The following PRR16 variants were observed in gnomAD, a reference collection of about 807,000 sequenced individuals.
PRR16 encodes proline rich 16.
PRR16 carries 6 observed loss-of-function variants against 18.2 expected under a neutral mutation model. The ratio of observed to expected loss-of-function variants is 0.33; its 90% CI spans 0.18 to 0.65. The LOEUF (loss-of-function observed/expected upper bound fraction) is 0.65. Among genes scored for constraint, PRR16 ranks in the 30% least tolerant of loss-of-function variants. PRR16 has a pLI of 0.74. For synonymous variants in PRR16, 151 were observed against 147.8 expected (o/e 1.02, Z -0.16); for missense variants, 412 against 376.6 (o/e 1.09, Z -0.78).
rs114806424 is a variant in PRR16, at chr5:120,578,447, T to G, written c.160-107507T>G. On this transcript the variant is annotated intron_variant, in intron 1 of 1. Coordinates refer to ENST00000407149, the MANE Select transcript of PRR16 (RefSeq NM_001300783.2). ...GGTTTGTGTTGTTCCCCTCTCTGTT[T>G]CCATGTGTTCTCAATGTTCAACTCC... 8.2e-3 allele frequency among the ~76,000 whole-genome samples: 1,248 copies of G among 152,278 alleles called. 24 individuals are homozygous for G. The highest frequency in any genetic ancestry group is 0.028 in the African/African-American group (1,157 of 41,550).
At chr5:120,598,766 C>T (rs1753892301) in intron 1 of PRR16, among the ~76,000 whole-genome samples, 1 of 151,906 alleles carries the variant, frequency 6.6e-6, no homozygotes, top group Non-Finnish European at 1.5e-5. Flanking sequence ...TGATTTCAAT[C>T]TCTTTATGGC....
intron 1 of PRR16, among the ~76,000 whole-genome samples, chr5:120,645,608 C>CTTT (rs1755565182): frequency 6.6e-6 from 1 of 151,952 alleles, no homozygotes; most frequent in Non-Finnish European, 1.5e-5. Context: ...CTGCAAATTA[C>CTTT]TAGTTTAAAC....
At chr5:120,470,631 A>G (rs1370727899) in intron 1 of PRR16, among the ~76,000 whole-genome samples, 8 of 152,122 alleles carry the variant, frequency 5.3e-5, no homozygotes, top group Admixed American at 2.0e-4. Flanking sequence ...ACGTCACTAG[A>G]AAGAGCAGTT....
chr5:120,676,636 A>G (rs1333114647), intron 1 of PRR16, among the ~76,000 whole-genome samples: 1 of 152,120 alleles, frequency 6.6e-6, no homozygotes, highest in Non-Finnish European at 1.5e-5. Flanking sequence ...GATGTTTCAG[A>G]CAGCAAAGAC....
chr5:120,506,510 G>A (rs1298017373), intron 1 of PRR16, among the ~76,000 whole-genome samples: 1 of 152,034 alleles, frequency 6.6e-6, no homozygotes, highest in African/African-American at 2.4e-5. Context: ...GTGGCTTAAA[G>A]TTATGCTGGC....
At chr5:120,627,696 G>A (rs1049207431) in intron 1 of PRR16, among the ~76,000 whole-genome samples, 1 of 152,058 alleles carries the variant, frequency 6.6e-6, no homozygotes, top group African/African-American at 2.4e-5. Context: ...CAAAAGAAGA[G>A]AGCCACCCTG....
At chr5:120,750,512 C>T in the PRR16 span, among the ~76,000 whole-genome samples, 1 of 151,284 alleles carries the variant, frequency 6.6e-6, no homozygotes, top group South Asian at 2.1e-4. Context: ...AAAAACAAAA[C>T]AAAAATTAGC....
intron 1 of PRR16, among the ~76,000 whole-genome samples, chr5:120,574,802 A>G (rs2112742303): frequency 6.7e-6 from 1 of 149,314 alleles, no homozygotes; most frequent in East Asian, 1.9e-4. Context: ...GTTGGTAAAA[A>G]TGTAAATTGA....
chr5:120,605,985 G>A (rs1018044962), intron 1 of PRR16, among the ~76,000 whole-genome samples: 1 of 152,168 alleles, frequency 6.6e-6, no homozygotes, highest in Admixed American at 6.5e-5. Flanking sequence ...TCAGGGGGCT[G>A]TGGGCAAGTG....
the PRR16 span, among the ~76,000 whole-genome samples, chr5:120,734,307 G>A: frequency 7.4e-4 from 113 of 152,118 alleles, no homozygotes; most frequent in African/African-American, 2.5e-3. Flanking sequence ...AGGAGGCTGG[G>A]GCACATTTTT....
chr5:120,657,075 A>G (rs182034011), intron 1 of PRR16, among the ~76,000 whole-genome samples: 1 of 152,132 alleles, frequency 6.6e-6, no homozygotes, highest in East Asian at 1.9e-4. Context: ...TATATATGGA[A>G]AAATCATCAC....
intron 1 of PRR16, among the ~76,000 whole-genome samples, chr5:120,595,631 A>G (rs1385502152): frequency 6.6e-6 from 1 of 151,936 alleles, no homozygotes; most frequent in Non-Finnish European, 1.5e-5. Context: ...ACACTCCATG[A>G]CACAACTTTG....
intron 1 of PRR16, among the ~76,000 whole-genome samples, chr5:120,642,000 G>A (rs1755438567): frequency 6.6e-6 from 1 of 151,992 alleles, no homozygotes; most frequent in South Asian, 2.1e-4. Context: ...CAGAAATTCA[G>A]GTGCCTTCTG....
At chr5:120,719,421 C>A in the PRR16 span, among the ~76,000 whole-genome samples, 1 of 151,798 alleles carries the variant, frequency 6.6e-6, no homozygotes, top group African/African-American at 2.4e-5. Flanking sequence ...AATAAATTAA[C>A]TTCATCAAGG....
chr5:120,622,478 T>C (rs1252861961), intron 1 of PRR16, among the ~76,000 whole-genome samples: 2 of 151,826 alleles, frequency 1.3e-5, no homozygotes, highest in Non-Finnish European at 2.9e-5. Context: ...ATTTATTTTA[T>C]ATTTATTTAT....
At chr5:120,660,946 A>G (rs1756154022) in intron 1 of PRR16, among the ~76,000 whole-genome samples, 2 of 152,090 alleles carry the variant, frequency 1.3e-5, no homozygotes, top group African/African-American at 4.8e-5. Flanking sequence ...TTGTTTTTAA[A>G]GAAATGTTTG....
the PRR16 span, among the ~76,000 whole-genome samples, chr5:120,692,733 T>C: frequency 6.6e-6 from 1 of 152,322 alleles, no homozygotes; most frequent in East Asian, 1.9e-4. Context: ...AACCTCACCA[T>C]AAACTAGGAT....
intron 1 of PRR16, among the ~76,000 whole-genome samples, chr5:120,488,403 C>G (rs1157166513): frequency 1.3e-5 from 2 of 152,138 alleles, no homozygotes; most frequent in African/African-American, 4.8e-5. Context: ...AGGAATTTAT[C>G]TATTTCCTCT....
At position 120,686,207 on chromosome 5, in the gene PRR16, A is replaced by G. The variant is rs781308356; in HGVS notation, c.413A>G (p.Lys138Arg). 3 of 1,614,016 alleles carry G rather than the reference A, an allele frequency of 1.9e-6. No individual in the cohort carries two copies. The highest frequency in any genetic ancestry group is 2.7e-5 in the African/African-American group (2 of 74,906). Reference protein sequence around the residue: ...RLTPVKCEDPKRVVPTANPVK... With the variant: ...RLTPVKCEDPRRVVPTANPVK... ...ACACCTGTGAAGTGTGAAGACCCCAAAAGGGTGGTTCCAACTGCCAATCCT... is the reference window on the plus strand; with the variant it reads ...ACACCTGTGAAGTGTGAAGACCCCAGAAGGGTGGTTCCAACTGCCAATCCT... Residue 138 changes from lysine (K) to arginine (R), a missense_variant, in exon 2 of 2, where the codon AAA (lysine) becomes AGA (arginine). Lys to Arg is a conservative substitution (Grantham distance 26). Transcript: ENST00000407149.
Sources: allele counts gnomAD v4.1 joint callset (sites outside exome capture counted in the v4.1 genomes callset), GRCh38; gene constraint gnomAD v4.1.1; transcripts MANE v1.5; gene names NCBI Gene and HGNC (gene_info 2026-07-23, HGNC 2026-07-21).